PRKX: variants seen among roughly 807,000 people sequenced by gnomAD.
PRKX encodes the protein cAMP-dependent protein kinase catalytic subunit PRKX.
Under a neutral mutation model 22.0 loss-of-function variants are expected in PRKX, and 12 were observed. That is an observed-to-expected ratio of 0.54 (90% CI 0.35 to 0.88). The LOEUF is 0.88. PRKX is among the 40% of genes least tolerant of loss of function. The pLI, the probability that PRKX is intolerant of heterozygous loss-of-function variation, is 0.01. For synonymous variants in PRKX, 134 were observed against 137.7 expected (o/e 0.97, Z 0.19); for missense variants, 217 against 308.0 (o/e 0.70, Z 2.21).
At chrX:3,640,462 C>T (rs747548806) in intron 4 of PRKX, among the ~76,000 whole-genome samples, 64 of 112,121 alleles carry the variant, frequency 5.7e-4, no homozygotes, top group African/African-American at 1.9e-3. Context: ...CCTGGGTTTC[C>T]AAGTGTTGCG....
chrX:3,608,621 AC>A lies in PRKX; in HGVS notation c.*347del, dbSNP rs1329901627. 9.8e-6 allele frequency: 1 copy of A among 102,100 alleles called. No homozygotes were observed. The highest frequency in any genetic ancestry group is 2.0e-5 in the Non-Finnish European group (1 of 50,254). 8.4% of individuals were successfully genotyped at this position (102,100 alleles called of 1,213,427 possible). ...CACACACACACACACACACACACACACAATTTGTGGTTATAATCGAACAAGT... is the reference window on the plus strand; with the variant it reads ...CACACACACACACACACACACACACAAATTTGTGGTTATAATCGAACAAGT... On this transcript the variant is annotated 3_prime_UTR_variant, in exon 9 of 9. Transcript: ENST00000262848.
intron 1 of PRKX, among the ~76,000 whole-genome samples, chrX:3,699,620 C>G (rs946851834): frequency 1.8e-5 from 2 of 112,370 alleles, no homozygotes; most frequent in East Asian, 5.6e-4. Context: ...TCCCAAAGTG[C>G]TGGGATGACA....
Position 3,713,362 on chromosome X carries a change from T to TC in PRKX, c.-110dup, listed in dbSNP as rs1928834903. Reference sequence around the variant, plus strand: ...GCGCGGCGGCGGCATCAACAGAGGCTCCCCATGCGCGCTCTCGCCTCCTGG... The same window carrying TC: ...GCGCGGCGGCGGCATCAACAGAGGCTCCCCCATGCGCGCTCTCGCCTCCTGG... On this transcript the variant is annotated 5_prime_UTR_variant, in exon 1 of 9. An upstream open reading frame in the 5' UTR loses its in-frame stop. Coordinates refer to ENST00000262848, the MANE Select transcript of PRKX (RefSeq NM_005044.5). The TC allele has an allele frequency of 5.9e-6, 4 of 673,943 alleles. No individual in the cohort carries two copies. The highest frequency in any genetic ancestry group is 5.9e-4 in the Middle Eastern group (1 of 1,703). 55.5% of individuals were successfully genotyped at this position (673,943 alleles called of 1,213,427 possible). A position where few individuals can be genotyped will look rare whatever the true frequency, so the allele number is the denominator to read the frequency against.
chrX:3,633,256 GA>G (rs373830482), intron 4 of PRKX, among the ~76,000 whole-genome samples: 1,600 of 58,962 alleles, frequency 0.027, 25 homozygotes, highest in African/African-American at 0.083. Context: ...TGTCTCAAAA[GA>G]AAAAAAAAAA....
At chrX:3,712,506 G>T (rs1203794410) in intron 1 of PRKX, among the ~76,000 whole-genome samples, 1 of 112,341 alleles carries the variant, frequency 8.9e-6, no homozygotes, top group South Asian at 3.7e-4. Context: ...GGCACAAGAC[G>T]AAGAGCACAG....
At position 3,606,857 on chromosome X, in the gene PRKX, C is replaced by G. The variant is rs1465706746; in HGVS notation, c.*2112G>C. 8.9e-6 allele frequency: 1 copy of G among 111,974 alleles called. No individual in the cohort carries two copies. The highest frequency in any genetic ancestry group is 9.5e-5 in the Admixed American group (1 of 10,501). The allele number at this position is 111,974 out of a possible 1,213,427, so 9.2% of individuals were successfully genotyped here. ...TGGTCCAAAGTGGGTTTCACACCAT[C>G]ACACGTTCTTGGAATCGCTTCTAAT... On this transcript the variant is annotated 3_prime_UTR_variant, in exon 9 of 9. Transcript: ENST00000262848.
chrX:3,648,931 C>T (rs1231456915), intron 3 of PRKX, among the ~76,000 whole-genome samples: 1 of 110,047 alleles, frequency 9.1e-6, no homozygotes, highest in Non-Finnish European at 1.9e-5. Context: ...CACAAAAAAA[C>T]ACAAACAAAC....
intron 4 of PRKX, among the ~76,000 whole-genome samples, chrX:3,636,313 G>A (rs1320537548): frequency 1.8e-5 from 2 of 112,909 alleles, no homozygotes; most frequent in African/African-American, 6.4e-5. Context: ...GGCTCCACTT[G>A]TATGTGCAGC....
chrX:3,607,469 G>A lies in PRKX; in HGVS notation c.*1500C>T, dbSNP rs1926201725. 9.0e-6 allele frequency: 1 copy of A among 111,522 alleles called. No individual in the cohort carries two copies. The highest frequency in any genetic ancestry group is 9.6e-5 in the Admixed American group (1 of 10,440). The allele number at this position is 111,522 out of a possible 1,213,427, so 9.2% of individuals were successfully genotyped here. On this transcript the variant is annotated 3_prime_UTR_variant, in exon 9 of 9. Transcript: ENST00000262848. ...TGTTAATCCCAACAGGATGGTGAGT[G>A]AGAAGCACAGGCTGAAAATAGAGTT...
At chrX:3,708,336 C>T (rs965925812) in intron 1 of PRKX, among the ~76,000 whole-genome samples, 1 of 110,640 alleles carries the variant, frequency 9.0e-6, no homozygotes, top group Non-Finnish European at 1.9e-5. Flanking sequence ...GCCACCCAGT[C>T]GGTGGTGTTT....
chrX:3,710,549 T>C (rs1197479931), intron 1 of PRKX, among the ~76,000 whole-genome samples: 1 of 111,537 alleles, frequency 9.0e-6, no homozygotes, highest in Non-Finnish European at 1.9e-5. Context: ...TTTTTGTATT[T>C]TCTCAGTAGA....
intron 1 of PRKX, among the ~76,000 whole-genome samples, chrX:3,684,223 G>C (rs1487117906): frequency 1.8e-5 from 2 of 112,253 alleles, no homozygotes; most frequent in Non-Finnish European, 3.8e-5. Flanking sequence ...CTGCACTCCA[G>C]CCTGGGCAAC....
chrX:3,700,650 C>G (rs977027847), intron 1 of PRKX, among the ~76,000 whole-genome samples: 1 of 110,636 alleles, frequency 9.0e-6, no homozygotes, highest in South Asian at 3.9e-4. Context: ...GCAATCATAG[C>G]TCACTTCGAC....
chrX:3,675,272 C>T (rs753208834), intron 1 of PRKX, among the ~76,000 whole-genome samples: 6 of 111,535 alleles, frequency 5.4e-5, no homozygotes, highest in South Asian at 3.8e-4. Flanking sequence ...GCTCAAAGTA[C>T]GGAGTCCGTA....
chrX:3,672,699 G>A (rs1251884853), intron 2 of PRKX, among the ~76,000 whole-genome samples: 2 of 110,885 alleles, frequency 1.8e-5, no homozygotes, highest in Non-Finnish European at 3.8e-5. Context: ...GGGGGTTGGG[G>A]TGGAGGGACG....
intron 4 of PRKX, among the ~76,000 whole-genome samples, chrX:3,629,414 G>GTT (rs766702749): frequency 6.5e-5 from 6 of 91,637 alleles, no homozygotes; most frequent in Non-Finnish European, 8.8e-5. Flanking sequence ...CCAGGGTTTT[G>GTT]TTTTTTTTTT....
At chrX:3,695,782 CCA>C (rs1323756733) in intron 1 of PRKX, among the ~76,000 whole-genome samples, 1 of 111,336 alleles carries the variant, frequency 9.0e-6, no homozygotes, top group Non-Finnish European at 1.9e-5. Context: ...TTAAGCTCTC[CCA>C]CAGTTTCACT....
intron 3 of PRKX, among the ~76,000 whole-genome samples, chrX:3,654,752 G>A (rs1449557771): frequency 9.1e-6 from 1 of 110,315 alleles, no homozygotes; most frequent in African/African-American, 3.3e-5. Flanking sequence ...AAAGTGCTGG[G>A]ATTACAGGTG....
rs745485596 is a variant in PRKX at position 3,605,012 on chromosome X, G to GACACACACACACACACAC, written c.*3939_*3956dup. The GACACACACACACACACAC allele has an allele frequency of 2.4e-5, 2 of 84,554 alleles. No individual in the cohort carries two copies. The highest frequency in any genetic ancestry group is 8.9e-5 in the African/African-American group (2 of 22,507). 7.0% of individuals were successfully genotyped at this position (84,554 alleles called of 1,213,427 possible). ...AAATACAGCCCCTCACCTTCACCAA[G>GACACACACACACACACAC]ACACACACACACACACACACACACA... On this transcript the variant is annotated 3_prime_UTR_variant, in exon 9 of 9. Transcript: ENST00000262848.
Sources: gnomAD v4.1 joint callset for allele counts (sites outside exome capture counted in the v4.1 genomes callset) on GRCh38, gnomAD v4.1.1 for gene constraint, MANE v1.5 for transcripts, NCBI Gene and HGNC (gene_info 2026-07-23, HGNC 2026-07-21) for gene names.